PCGF3: variants seen among roughly 807,000 people sequenced by gnomAD.
PCGF3 encodes the protein polycomb group ring finger 3.
In PCGF3, 7 loss-of-function variants were observed where a neutral mutation model predicts 33.1. The ratio of observed to expected loss-of-function variants is 0.21; its 90% CI spans 0.12 to 0.40. PCGF3 has a LOEUF of 0.40. PCGF3 is among the 10% of genes least tolerant of loss of function. PCGF3 has a pLI of 1.00. For synonymous variants in PCGF3, 153 were observed against 121.3 expected (o/e 1.26, Z -1.72); for missense variants, 211 against 313.3 (o/e 0.67, Z 2.46).
chr4:750,442 G>A (rs1026960053), intron 8 of PCGF3, among the ~76,000 whole-genome samples: 2 of 152,150 alleles, frequency 1.3e-5, no homozygotes, highest in Non-Finnish European at 2.9e-5. Flanking sequence ...TTGCTGGTTG[G>A]TGTGGTGGGT....
chr4:743,808 C>T (rs2279174), intron 7 of PCGF3: 37,528 of 442,148 alleles, frequency 0.085, 1,821 homozygotes, highest in South Asian at 0.13. Flanking sequence ...AGCAGGAGGG[C>T]CCCCCGAGAG....
chr4:739,272 C>T (rs530895802), intron 6 of PCGF3, among the ~76,000 whole-genome samples: 1 of 152,308 alleles, frequency 6.6e-6, no homozygotes, highest in African/African-American at 2.4e-5. Flanking sequence ...GCTATCACAG[C>T]TCACTGTAGC....
chr4:769,886 C>G (rs765875009), exon 11 of PCGF3: 2 of 152,592 alleles, frequency 1.3e-5, no homozygotes, highest in Non-Finnish European at 2.9e-5. Context: ...CACGAAGATA[C>G]ATGTGTTTGA....
Position 722,471 on chromosome 4 carries a change from G to T in PCGF3, c.-189-8159G>T, listed in dbSNP as rs968390307. 6 of 277,212 alleles carry T rather than the reference G, an allele frequency of 2.2e-5. No individual in the cohort carries two copies. In the Admixed American group the frequency reaches 2.8e-4, roughly 13 times the overall value. 17.2% of individuals were successfully genotyped at this position (277,212 alleles called of 1,614,324 possible). ...AGAGGAAGGCATATGTCACACTGAG[G>T]CATCAGAGACACATCCATTCACGTC... On this transcript the variant is annotated intron_variant, in intron 1 of 10. Coordinates refer to ENST00000362003, the Ensembl canonical transcript of PCGF3.
intron 9 of PCGF3, chr4:761,903 G>A: frequency 6.1e-6 from 6 of 985,456 alleles, no homozygotes; most frequent in Non-Finnish European, 7.2e-6. Context: ...CGCCAGCAGG[G>A]TCCAGCTTTG....
At chr4:707,827 C>T (rs1354643609) in intron 1 of PCGF3, among the ~76,000 whole-genome samples, 1 of 117,582 alleles carries the variant, frequency 8.5e-6, no homozygotes, top group Non-Finnish European at 1.9e-5. Context: ...TGGGACAGCC[C>T]TGTTTTCCCC....
intron 1 of PCGF3, among the ~76,000 whole-genome samples, chr4:716,071 G>A (rs1414817015): frequency 6.8e-6 from 1 of 147,134 alleles, no homozygotes; most frequent in African/African-American, 2.5e-5. Context: ...GACACTGTGA[G>A]TGTGAGAACC....
chr4:719,524 TC>T (rs1315550743), intron 1 of PCGF3, among the ~76,000 whole-genome samples: 1 of 152,230 alleles, frequency 6.6e-6, no homozygotes, highest in African/African-American at 2.4e-5. Flanking sequence ...TCCTGTGTCC[TC>T]CGCGCGGGTT....
chr4:748,690 C>T (rs1333788516), intron 8 of PCGF3, among the ~76,000 whole-genome samples: 1 of 152,190 alleles, frequency 6.6e-6, no homozygotes, highest in East Asian at 1.9e-4. Context: ...ACCCCGGTTT[C>T]ACTGCCATGC....
At chr4:762,214 G>C (rs980843321) in intron 9 of PCGF3, 1 of 533,402 alleles carries the variant, frequency 1.9e-6, no homozygotes, top group African/African-American at 2.1e-5. Context: ...AAGGATTTTG[G>C]GATGAAATAA....
Position 707,658 on chromosome 4 carries a change from T to C in PCGF3, c.-190+1688T>C, listed in dbSNP as rs200282580. Among the ~76,000 whole-genome samples the C allele has an allele frequency of 5.6e-4, 68 of 120,962 alleles. 4 individuals are homozygous for C. Among genetic ancestry groups the C allele is most frequent in the African/African-American group, 1.8e-3 (60 of 33,878 alleles). 79.4% of individuals were successfully genotyped at this position (120,962 alleles called of 152,430 possible). A position where few individuals can be genotyped will look rare whatever the true frequency, so the allele number is the denominator to read the frequency against. On this transcript the variant is annotated intron_variant, in intron 1 of 10. Transcript: ENST00000362003. ...ACCCTGGGACAGCCCTGTTTTCCCC[T>C]GGGGGTCGGGACCCTGGGACAGCTC...
At chr4:755,931 T>C (rs1294210429) in intron 8 of PCGF3, among the ~76,000 whole-genome samples, 1 of 122,220 alleles carries the variant, frequency 8.2e-6, no homozygotes, top group African/African-American at 3.9e-5. Flanking sequence ...TTTTTTTTTT[T>C]TGGAGATGGA....
intron 3 of PCGF3, among the ~76,000 whole-genome samples, chr4:733,141 G>A (rs574808347): frequency 2.2e-4 from 33 of 149,862 alleles, no homozygotes; most frequent in Non-Finnish European, 4.4e-4. Context: ...AGCCTCAGGA[G>A]ACACCGTGGA....
rs532686852 is a variant in PCGF3 at position 765,940 on chromosome 4, G to C, written c.682-92G>C. On this transcript the variant is annotated intron_variant, in intron 10 of 10. Coordinates refer to ENST00000362003, the Ensembl canonical transcript of PCGF3. ...CCCTGCATGTGGACTGTGCCTCACG[G>C]GACGTGATTCCTCAGCACCCTTCCC... 3.5e-6 allele frequency: 4 copies of C among 1,136,792 alleles called. No homozygotes were observed. The African/African-American group carries it at 4.5e-5, about 13-fold the overall frequency. 70.4% of individuals were successfully genotyped at this position (1,136,792 alleles called of 1,614,324 possible).
exon 11 of PCGF3, chr4:766,510 A>G (rs185884784): frequency 1.9e-5 from 3 of 155,036 alleles, no homozygotes; most frequent in African/African-American, 7.2e-5. Flanking sequence ...AAGTTATTGA[A>G]AAAATGTCTT....
chr4:715,364 A>G (rs1306360727), intron 1 of PCGF3, among the ~76,000 whole-genome samples: 12 of 140,552 alleles, frequency 8.5e-5, no homozygotes, highest in African/African-American at 3.2e-4. Context: ...CCTTGTAGAC[A>G]CTGTGAGTGT....
At chr4:752,029 C>T (rs1443882012) in intron 8 of PCGF3, among the ~76,000 whole-genome samples, 1 of 152,260 alleles carries the variant, frequency 6.6e-6, no homozygotes, top group Non-Finnish European at 1.5e-5. Flanking sequence ...TTTATTTACT[C>T]ACAACGATGT....
intron 8 of PCGF3, among the ~76,000 whole-genome samples, chr4:755,405 T>A (rs534078200): frequency 1.3e-5 from 2 of 152,278 alleles, no homozygotes; most frequent in South Asian, 4.1e-4. Context: ...CCCATCTCTG[T>A]CCTGGGAAGA....
At chr4:726,242 G>A (rs1743328254) in intron 1 of PCGF3, among the ~76,000 whole-genome samples, 1 of 152,250 alleles carries the variant, frequency 6.6e-6, no homozygotes, top group African/African-American at 2.4e-5. Flanking sequence ...AAACATGCTT[G>A]TTTGAAATTT....
Sources: gnomAD v4.1 joint callset for allele counts (sites outside exome capture counted in the v4.1 genomes callset) on GRCh38, gnomAD v4.1.1 for gene constraint, MANE v1.5 for transcripts, NCBI Gene and HGNC (gene_info 2026-07-23, HGNC 2026-07-21) for gene names.